SLAMF1: variants seen among roughly 807,000 people sequenced by gnomAD.
The protein encoded by SLAMF1 is signaling lymphocytic activation molecule family member 1.
Under a neutral mutation model 35.1 loss-of-function variants are expected in SLAMF1, and 18 were observed. The observed-to-expected ratio is 0.51, with a 90% CI of 0.35 to 0.76. SLAMF1 has a LOEUF of 0.76. SLAMF1 is among the 30% of genes least tolerant of loss of function. The pLI is 0.01. For missense variants in SLAMF1, 392 were observed against 413.0 expected, an observed-to-expected ratio of 0.95 and a Z score of 0.44; for synonymous variants, 168 against 157.2, an observed-to-expected ratio of 1.07 and a Z score of -0.51.
intron 5 of SLAMF1, among the ~76,000 whole-genome samples, chr1:160,618,677 T>C (rs1398723404): frequency 1.3e-5 from 2 of 152,152 alleles, no homozygotes. Flanking sequence ...TTTTAAATTT[T>C]ATTTAATTCA....
In SLAMF1 at chr1:160,634,655, G is replaced by T; in HGVS notation, c.658C>A (p.Gln220Lys). The T allele has an allele frequency of 6.2e-7, 1 of 1,613,882 alleles. No homozygotes were observed. The highest frequency in any genetic ancestry group is 1.1e-5 in the South Asian group (1 of 91,066). Residue 220 changes from glutamine (Q) to lysine (K), a missense_variant, in exon 3 of 7, where the codon CAG (glutamine) becomes AAG (lysine). Coordinates refer to ENST00000302035, the MANE Select transcript of SLAMF1 (RefSeq NM_003037.5). Reference protein sequence around the residue: ...TVSNPISNNSQTFSPWPGCRT... With the variant: ...TVSNPISNNSKTFSPWPGCRT... ...CATCCGGGCCACGGGCTGAAGGTCTGGGAATTGTTGCTGATAGGGTTGCTC... is the reference window on the plus strand; with the variant it reads ...CATCCGGGCCACGGGCTGAAGGTCTTGGAATTGTTGCTGATAGGGTTGCTC...
intron 1 of SLAMF1, among the ~76,000 whole-genome samples, chr1:160,643,047 C>T (rs1398966370): frequency 9.4e-5 from 2 of 21,236 alleles, no homozygotes; most frequent in Non-Finnish European, 5.5e-3. Context: ...CTTTGGCCCC[C>T]CACTTCCCCC....
intron 1 of SLAMF1, among the ~76,000 whole-genome samples, chr1:160,643,562 T>C (rs1660871737): frequency 6.6e-6 from 1 of 152,222 alleles, no homozygotes; most frequent in Non-Finnish European, 1.5e-5. Context: ...ACCAGGACAC[T>C]GAAAAGTCGA....
chr1:160,636,086 C>A (rs1310802762), intron 2 of SLAMF1, among the ~76,000 whole-genome samples: 1 of 152,130 alleles, frequency 6.6e-6, no homozygotes, highest in African/African-American at 2.4e-5. Context: ...ACCACATTTT[C>A]CAAAGTAAGA....
intron 3 of SLAMF1, among the ~76,000 whole-genome samples, chr1:160,631,516 C>G (rs1012573661): frequency 1.3e-5 from 2 of 152,164 alleles, no homozygotes; most frequent in Non-Finnish European, 2.9e-5. Flanking sequence ...GCTCTAACCC[C>G]AAGGACCTCA....
chr1:160,616,928 G>A (rs1659330920), intron 5 of SLAMF1, among the ~76,000 whole-genome samples: 1 of 152,066 alleles, frequency 6.6e-6, no homozygotes, highest in African/African-American at 2.4e-5. Context: ...TGCTGAGGCG[G>A]GCAGATCTCC....
In SLAMF1 at chr1:160,612,461, C is replaced by T. The variant is rs766995998; in HGVS notation, c.957+27G>A. On this transcript the variant is annotated intron_variant, in intron 6 of 6. Coordinates refer to ENST00000302035, the MANE Select transcript of SLAMF1 (RefSeq NM_003037.5). ...CCCTCCTTCATGTATTCCCTCTCTA[C>T]GGAGAGTAGGCAGAGAGATGCCTCA... 130 of 1,475,224 alleles carry T rather than the reference C, an allele frequency of 8.8e-5. No individual in the cohort carries two copies. The South Asian group carries it at 1.0e-3, about 11-fold the overall frequency. The allele number at this position is 1,475,224 out of a possible 1,614,324, so 91.4% of individuals were successfully genotyped here.
chr1:160,644,652 C>CA (rs1368683348), intron 1 of SLAMF1, among the ~76,000 whole-genome samples: 6 of 152,192 alleles, frequency 3.9e-5, no homozygotes, highest in African/African-American at 1.4e-4. Context: ...TGAATGGGAT[C>CA]ATTCAAAGTC....
At chr1:160,618,803 G>T (rs1558004211) in intron 5 of SLAMF1, among the ~76,000 whole-genome samples, 2 of 152,148 alleles carry the variant, frequency 1.3e-5, no homozygotes, top group Admixed American at 6.5e-5. Context: ...AGACACTATG[G>T]TCAAGGTGAA....
intron 3 of SLAMF1, among the ~76,000 whole-genome samples, chr1:160,630,443 C>G (rs1660105792): frequency 6.6e-6 from 1 of 152,158 alleles, no homozygotes; most frequent in Non-Finnish European, 1.5e-5. Context: ...TGCATTCCGT[C>G]TCATCACACC....
At chr1:160,639,055 C>T (rs1476020380) in intron 1 of SLAMF1, among the ~76,000 whole-genome samples, 2 of 152,192 alleles carry the variant, frequency 1.3e-5, no homozygotes, top group Non-Finnish European at 2.9e-5. Flanking sequence ...CTTCACTGCA[C>T]TCCCAACTGC....
At chr1:160,625,653 G>T (rs767294643) in intron 3 of SLAMF1, among the ~76,000 whole-genome samples, 4 of 152,048 alleles carry the variant, frequency 2.6e-5, no homozygotes, top group African/African-American at 4.8e-5. Flanking sequence ...TTTTAATTTT[G>T]CCAGATACCA....
chr1:160,612,453 C>T (rs768394924), intron 6 of SLAMF1, 35 bp downstream of exon 6: 5 of 1,392,314 alleles, frequency 3.6e-6, no homozygotes, highest in Non-Finnish European at 5.1e-6. Flanking sequence ...TCATGTATTC[C>T]CTCTCTACGG....
chr1:160,634,984 C>G (rs146883937), intron 2 of SLAMF1, 87 bp from the exon 3 acceptor site: 1 of 1,202,716 alleles, frequency 8.3e-7, no homozygotes, highest in African/African-American at 1.5e-5. Flanking sequence ...AAAGTACAGC[C>G]TAATGGCATT....
intron 5 of SLAMF1, among the ~76,000 whole-genome samples, chr1:160,614,575 CAA>C (rs58447871): frequency 0.62 from 86,578 of 140,628 alleles, 28,904 homozygotes; most frequent in East Asian, 0.78. Context: ...TCCGCATCAC[CAA>C]AAAAAAAAAA....
chr1:160,635,571 C>CTT lies in SLAMF1; in HGVS notation c.416-676_416-675dup, dbSNP rs36085536. The stretch of plus-strand genomic sequence containing the variant: ...AGTGCTGGTGTTTCACATTCATCAT[C>CTT]TTTTTTTTTTTTTTTTTTGAGACAG... On this transcript the variant is annotated intron_variant, in intron 2 of 6. Coordinates refer to ENST00000302035, the MANE Select transcript of SLAMF1 (RefSeq NM_003037.5). Among the ~76,000 whole-genome samples the CTT allele has an allele frequency of 1.8e-3, 245 of 136,900 alleles. 2 individuals carry two copies. Among genetic ancestry groups the CTT allele is most frequent in the Middle Eastern group, 0.011 (3 of 264 alleles). The allele number at this position is 136,900 out of a possible 152,430, so 89.8% of individuals were successfully genotyped here. A position where few individuals can be genotyped will look rare whatever the true frequency, so the allele number is the denominator to read the frequency against.
Position 160,610,189 on chromosome 1 carries a change from C to A in SLAMF1, c.*559G>T. 2.5e-6 allele frequency: 1 copy of A among 400,952 alleles called. No individual in the cohort carries two copies. 24.8% of individuals were successfully genotyped at this position (400,952 alleles called of 1,614,324 possible). ...CTTAGCTTCCTTTATACAATAATATCAGAGTGTTTTATGTATAATAAGAAA... is the reference window on the plus strand; with the variant it reads ...CTTAGCTTCCTTTATACAATAATATAAGAGTGTTTTATGTATAATAAGAAA... On this transcript the variant is annotated 3_prime_UTR_variant, in exon 7 of 7. Transcript: ENST00000302035.
intron 3 of SLAMF1, among the ~76,000 whole-genome samples, chr1:160,629,807 G>T (rs932860459): frequency 1.3e-5 from 2 of 152,192 alleles, no homozygotes; most frequent in Admixed American, 6.5e-5. Flanking sequence ...CCATGACCAG[G>T]CTCTGGGCTG....
rs541167480 is a variant in SLAMF1, at chr1:160,642,842, C to T, written c.76+4028G>A. On this transcript the variant is annotated intron_variant, in intron 1 of 6. Coordinates refer to ENST00000302035, the MANE Select transcript of SLAMF1 (RefSeq NM_003037.5). This position sits in a 1 kb window ranked among gnomAD's most constrained non-coding sequence, Gnocchi z 4.2. ...ACAACTTGCCAAGAACACTTGAAAC[C>T]CTTTACCTCTGCATTTGTGCCTCCT... is the stretch of plus-strand genomic sequence containing the variant. Among the ~76,000 whole-genome samples, 13 of 152,122 alleles carry T rather than the reference C, an allele frequency of 8.5e-5. No homozygotes were observed. Among genetic ancestry groups the T allele is most frequent in the Admixed American group, 3.3e-4 (5 of 15,268 alleles).
Sources: gnomAD v4.1 joint callset for allele counts (sites outside exome capture counted in the v4.1 genomes callset) on GRCh38, gnomAD v4.1.1 for gene constraint, Gnocchi (gnomAD v3.1) non-coding constraint, MANE v1.5 for transcripts, NCBI Gene and HGNC (gene_info 2026-07-23, HGNC 2026-07-21) for gene names.